Variants in CFAP47 observed in about 807,000 individuals in gnomAD.
The protein encoded by CFAP47 is cilia and flagella associated protein 47, also known as cilia- and flagella-associated protein 47.
CFAP47 carries 29 observed loss-of-function variants against 148.1 expected under a neutral mutation model. The observed-to-expected ratio is 0.20, with a 90% CI of 0.15 to 0.27. The LOEUF is 0.27. CFAP47 is among the 10% of genes least tolerant of loss of function. The pLI, the probability that CFAP47 is intolerant of heterozygous loss-of-function variation, is 1.00. For missense variants in CFAP47, 1,872 were observed against 1,697.5 expected, an observed-to-expected ratio of 1.10 and a Z score of -1.81; for synonymous variants, 664 against 577.3, an observed-to-expected ratio of 1.15 and a Z score of -2.15.
At chrX:36,048,503 G>A (rs1937493018) in intron 26 of CFAP47, among the ~76,000 whole-genome samples, 1 of 111,628 alleles carries the variant, frequency 9.0e-6, no homozygotes, top group Admixed American at 9.5e-5. Flanking sequence ...GGGCCAACAT[G>A]CTTGGCTTTT....
At chrX:36,238,775 T>A (rs782252449) in intron 48 of CFAP47, among the ~76,000 whole-genome samples, 2 of 112,066 alleles carry the variant, frequency 1.8e-5, no homozygotes, top group African/African-American at 6.5e-5. Flanking sequence ...GCATCCTTAT[T>A]TCTGTATGAC....
intron 63 of CFAP47, among the ~76,000 whole-genome samples, chrX:36,381,521 C>G (rs1556024150): frequency 9.0e-6 from 1 of 111,303 alleles, no homozygotes; most frequent in Non-Finnish European, 1.9e-5. Context: ...CCAAACAAAC[C>G]TCAATAATCT....
At chrX:36,371,735 T>C (rs1217174211) in intron 62 of CFAP47, among the ~76,000 whole-genome samples, 2 of 58,426 alleles carry the variant, frequency 3.4e-5, no homozygotes, top group African/African-American at 8.0e-5. Context: ...CACATGTGTG[T>C]ATATATGTGT....
rs1311490896 is a variant in CFAP47, at chrX:36,137,984, G to A, written c.5347G>A (p.Val1783Ile). Residue 1783 changes from valine to isoleucine, a missense_variant, in exon 34 of 64, where the codon GTA (valine) becomes ATA (isoleucine). By Grantham distance (29) the Val-to-Ile change is conservative. Transcript: ENST00000378653. ...TGTTATCCCTTCTGAGAGATGGATA[G>A]TAAATTTTGACAAAGACCTTTCAGA... ...KDVIPSERWI[V>I]NFDKDLSDGL... is the part of the protein sequence containing the mutation. The A allele has an allele frequency of 1.2e-6, 1 of 845,414 alleles. No individual in the cohort carries two copies. Among genetic ancestry groups the A allele is most frequent in the African/African-American group, 2.0e-5 (1 of 50,233 alleles). The allele number at this position is 845,414 out of a possible 1,213,427, so 69.7% of individuals were successfully genotyped here.
intron 2 of CFAP47, among the ~76,000 whole-genome samples, chrX:35,939,776 G>A (rs1379101663): frequency 1.0e-5 from 1 of 98,355 alleles, no homozygotes; most frequent in African/African-American, 3.7e-5. Flanking sequence ...TGTCTTTATA[G>A]CAGCATGATT....
intron 49 of CFAP47, among the ~76,000 whole-genome samples, chrX:36,273,902 A>T (rs1940986312): frequency 9.0e-6 from 1 of 111,602 alleles, no homozygotes; most frequent in African/African-American, 3.2e-5. Flanking sequence ...AATTAAATTG[A>T]CATTGTCAAG....
chrX:36,269,730 C>A (rs1417929854), intron 49 of CFAP47, among the ~76,000 whole-genome samples: 1 of 111,747 alleles, frequency 8.9e-6, no homozygotes, highest in Non-Finnish European at 1.9e-5. Context: ...CATGTATACG[C>A]CTATGAAGCC....
chrX:36,333,637 T>C (rs1272480527), intron 57 of CFAP47, among the ~76,000 whole-genome samples: 4 of 111,631 alleles, frequency 3.6e-5, no homozygotes, highest in African/African-American at 1.3e-4. Flanking sequence ...TCTTGTACTT[T>C]CCCTCAATTA....
chrX:36,370,740 A>G (rs188608708), intron 62 of CFAP47, among the ~76,000 whole-genome samples: 24 of 111,316 alleles, frequency 2.2e-4, no homozygotes, highest in Non-Finnish European at 3.8e-4. Context: ...TATGAAAAAA[A>G]ATAGGATAGG....
At chrX:36,014,282 A>G (rs1298270030) in intron 21 of CFAP47, among the ~76,000 whole-genome samples, 5 of 111,895 alleles carry the variant, frequency 4.5e-5, no homozygotes, top group Non-Finnish European at 9.4e-5. Context: ...AACTTTGAGT[A>G]TTCTTTATGT....
chrX:36,156,223 A>G (rs999557484), intron 37 of CFAP47, among the ~76,000 whole-genome samples: 2 of 111,033 alleles, frequency 1.8e-5, no homozygotes, highest in Non-Finnish European at 3.8e-5. Flanking sequence ...TCCTAAACAA[A>G]AAAATGAGTA....
chrX:36,342,756 CAT>C (rs1235183550), intron 57 of CFAP47, among the ~76,000 whole-genome samples: 7 of 111,228 alleles, frequency 6.3e-5, no homozygotes, highest in African/African-American at 2.3e-4. Context: ...TAGAAGAAAA[CAT>C]GGGTAGATTT....
intron 1 of CFAP47, 52 bp downstream of exon 1, chrX:35,920,100 C>A: frequency 8.9e-7 from 1 of 1,121,687 alleles, no homozygotes. Flanking sequence ...CGCCTCCTCA[C>A]ACTGCGTCTC....
intron 50 of CFAP47, among the ~76,000 whole-genome samples, chrX:36,283,083 A>C (rs901413095): frequency 1.8e-5 from 2 of 111,230 alleles, no homozygotes; most frequent in African/African-American, 6.5e-5. Flanking sequence ...GTCTATGTCT[A>C]TATATCCATA....
chrX:36,275,415 CGT>C (rs35781816), intron 49 of CFAP47, among the ~76,000 whole-genome samples: 9,656 of 87,217 alleles, frequency 0.11, 540 homozygotes, highest in African/African-American at 0.22. Flanking sequence ...GTGAGATCGT[CGT>C]GTGTGTGTGT....
intron 49 of CFAP47, among the ~76,000 whole-genome samples, chrX:36,273,335 A>G (rs1464442763): frequency 9.0e-6 from 1 of 111,715 alleles, no homozygotes. Flanking sequence ...TTAGCAAAGA[A>G]ACAAGTCTGT....
intron 61 of CFAP47, among the ~76,000 whole-genome samples, chrX:36,366,440 G>A (rs1010857240): frequency 7.2e-5 from 8 of 111,784 alleles, no homozygotes; most frequent in Non-Finnish European, 1.1e-4. Context: ...TTTACCAATT[G>A]CAATTTCATT....
At chrX:36,089,471 C>T (rs1938147665) in intron 30 of CFAP47, among the ~76,000 whole-genome samples, 1 of 111,986 alleles carries the variant, frequency 8.9e-6, no homozygotes, top group Non-Finnish European at 1.9e-5. Context: ...GGAATTGCAT[C>T]TAAGAATGAA....
chrX:36,003,783 GC>G (rs1259933561), intron 21 of CFAP47, among the ~76,000 whole-genome samples: 3 of 107,857 alleles, frequency 2.8e-5, no homozygotes, highest in African/African-American at 1.0e-4. Context: ...GAGCAATCAG[GC>G]AAGAGAAAAA....
Sources: gnomAD v4.1 joint callset for allele counts (sites outside exome capture counted in the v4.1 genomes callset) on GRCh38, gnomAD v4.1.1 for gene constraint, MANE v1.5 for transcripts, NCBI Gene and HGNC (gene_info 2026-07-23, HGNC 2026-07-21) for gene names.